Variants in HGD observed in about 807,000 individuals in gnomAD.
The protein encoded by HGD is homogentisate 1,2-dioxygenase.
A neutral mutation model predicts 60.8 loss-of-function variants in HGD; 61 were observed. The observed-to-expected ratio is 1.00, with a 90% CI of 0.82 to 1.24. HGD has a LOEUF of 1.24. HGD is among the 50% of genes most tolerant of loss of function. The pLI is 0.00. For synonymous variants in HGD, 212 were observed against 187.7 expected (o/e 1.13, Z -1.06); for missense variants, 542 against 547.1 (o/e 0.99, Z 0.09).
rs1260056278 is a variant in HGD, at chr3:120,647,921, A to G, written c.435-10T>C. On this transcript the variant is annotated splice_polypyrimidine_tract_variant and intron_variant, in intron 6 of 13. Coordinates refer to ENST00000283871, the MANE Select transcript of HGD (RefSeq NM_000187.4). ...TGAATTGTAAAAGCATCTGAAACAT[A>G]TAGAGTAATTCTTGTGATTTTCAGT... The G allele has an allele frequency of 2.5e-6, 4 of 1,604,676 alleles. No homozygotes were observed. Among genetic ancestry groups the G allele is most frequent in the South Asian group, 2.2e-5 (2 of 90,912 alleles).
At chr3:120,639,631 T>C (rs1325891511) in intron 11 of HGD, among the ~76,000 whole-genome samples, 2 of 152,172 alleles carry the variant, frequency 1.3e-5, no homozygotes, top group Non-Finnish European at 2.9e-5. Context: ...GCAGAAGGGA[T>C]GCTCAGAGCA....
chr3:120,633,099 G>C, intron 13 of HGD, 48 bp downstream of exon 13: 2 of 1,572,576 alleles, frequency 1.3e-6, no homozygotes, highest in Non-Finnish European at 1.7e-6. Flanking sequence ...CTCTCAGTAA[G>C]GGTGGGGAGT....
Position 120,682,169 on chromosome 3 carries a change from C to T in HGD, c.-58G>A. ...AAACCCAGGCCCAGAGGATATAAAGCCACAATGCTTCTTTCTCCTTCAAAC... is the reference window on the plus strand; with the variant it reads ...AAACCCAGGCCCAGAGGATATAAAGTCACAATGCTTCTTTCTCCTTCAAAC... On this transcript the variant is annotated 5_prime_UTR_variant, in exon 1 of 14. Coordinates refer to ENST00000283871, the MANE Select transcript of HGD (RefSeq NM_000187.4). 3 of 1,536,696 alleles carry T rather than the reference C, an allele frequency of 2.0e-6. No homozygotes were observed. Among genetic ancestry groups the T allele is most frequent in the Non-Finnish European group, 2.7e-6 (3 of 1,109,590 alleles).
chr3:120,633,965 C>T (rs951856609), intron 12 of HGD, among the ~76,000 whole-genome samples: 3 of 151,992 alleles, frequency 2.0e-5, no homozygotes, highest in African/African-American at 7.3e-5. Flanking sequence ...ATCTGTTATC[C>T]TCTTGTTTTT....
chr3:120,638,828 T>G (rs964153522), intron 11 of HGD, among the ~76,000 whole-genome samples: 1 of 152,182 alleles, frequency 6.6e-6, no homozygotes, highest in African/African-American at 2.4e-5. Flanking sequence ...AATCTCATCC[T>G]GAATTGTAGC....
chr3:120,675,694 G>T, intron 2 of HGD, 98 bp downstream of exon 2: 1 of 879,976 alleles, frequency 1.1e-6, no homozygotes, highest in Non-Finnish European at 1.9e-6. Context: ...TCACAGGCTA[G>T]ATTGGAAGAG....
At position 120,652,627 on chromosome 3, in the gene HGD, G is replaced by T. The variant is rs559502955; in HGVS notation, c.307C>A (p.Pro103Thr). The T allele has an allele frequency of 1.8e-4, 284 of 1,613,160 alleles. 3 individuals are homozygous for T. In the South Asian group the frequency reaches 2.9e-3, roughly 16 times the overall value. ...TCTACTTTCTTCTGAGATGCTTTTGGAATCTCAAATGGTTTCCATCTAAGC... is the reference window on the plus strand; with the variant it reads ...TCTACTTTCTTCTGAGATGCTTTTGTAATCTCAAATGGTTTCCATCTAAGC... ...NQLRWKPFEI[P>T]KASQKKVDFV... The change falls in exon 5 of 14, where the codon CCA becomes ACA. Residue 103 changes from proline (P) to threonine (T), a missense_variant. Coordinates refer to ENST00000283871, the MANE Select transcript of HGD (RefSeq NM_000187.4).
At chr3:120,678,719 G>A (rs1288006470) in intron 1 of HGD, among the ~76,000 whole-genome samples, 3 of 152,232 alleles carry the variant, frequency 2.0e-5, no homozygotes, top group Non-Finnish European at 4.4e-5. Flanking sequence ...GAAAACTGCT[G>A]AGTCACTATC....
intron 6 of HGD, among the ~76,000 whole-genome samples, chr3:120,648,654 G>A (rs2551618): frequency 6.6e-6 from 1 of 152,170 alleles, no homozygotes; most frequent in Non-Finnish European, 1.5e-5. Context: ...AAGTCGGGTA[G>A]CCTGCTACTA....
chr3:120,656,387 A>G (rs915573894), intron 4 of HGD, among the ~76,000 whole-genome samples: 2 of 152,212 alleles, frequency 1.3e-5, no homozygotes, highest in African/African-American at 4.8e-5. Flanking sequence ...CTTCTTCTCT[A>G]TAGAATTTAC....
At chr3:120,656,279 CTG>C (rs1941492091) in intron 4 of HGD, among the ~76,000 whole-genome samples, 1 of 152,180 alleles carries the variant, frequency 6.6e-6, no homozygotes, top group Non-Finnish European at 1.5e-5. Context: ...ACTACCCAGT[CTG>C]TGGTATTTTG....
At chr3:120,660,314 T>C (rs541639009) in intron 4 of HGD, among the ~76,000 whole-genome samples, 2 of 152,166 alleles carry the variant, frequency 1.3e-5, no homozygotes, top group Non-Finnish European at 1.5e-5. Flanking sequence ...GGGTAATTTG[T>C]GGTGGTGAGT....
chr3:120,655,609 A>G (rs769761654), intron 4 of HGD, among the ~76,000 whole-genome samples: 2 of 152,198 alleles, frequency 1.3e-5, no homozygotes, highest in Non-Finnish European at 2.9e-5. Flanking sequence ...TGATATTTTG[A>G]TAAGTGTGAG....
chr3:120,656,463 G>C (rs1941497556), intron 4 of HGD, among the ~76,000 whole-genome samples: 1 of 152,004 alleles, frequency 6.6e-6, no homozygotes, highest in Non-Finnish European at 1.5e-5. Context: ...GACTATAGTA[G>C]GCATTAATAT....
At chr3:120,671,387 A>G (rs898731359) in intron 3 of HGD, among the ~76,000 whole-genome samples, 1 of 152,070 alleles carries the variant, frequency 6.6e-6, no homozygotes, top group Admixed American at 6.6e-5. Flanking sequence ...AAACAAGTCT[A>G]TTTGTTTATT....
chr3:120,634,185 T>C (rs1940684779), intron 12 of HGD, among the ~76,000 whole-genome samples: 2 of 152,188 alleles, frequency 1.3e-5, no homozygotes, highest in Non-Finnish European at 2.9e-5. Flanking sequence ...ATCATATTAT[T>C]GAAGAGCTCT....
At chr3:120,675,277 C>T (rs1203762046) in intron 2 of HGD, among the ~76,000 whole-genome samples, 1 of 151,950 alleles carries the variant, frequency 6.6e-6, no homozygotes, top group Non-Finnish European at 1.5e-5. Flanking sequence ...TCTTATCCTC[C>T]AAAATTGTGA....
At position 120,628,270 on chromosome 3, in the gene HGD, A is replaced by G; in HGVS notation, c.*110T>C. 1 of 1,253,610 alleles carries G rather than the reference A, an allele frequency of 8.0e-7. No homozygotes were observed. Among genetic ancestry groups the G allele is most frequent in the Non-Finnish European group, 1.2e-6 (1 of 859,380 alleles). The allele number at this position is 1,253,610 out of a possible 1,614,324, so 77.7% of individuals were successfully genotyped here. On this transcript the variant is annotated 3_prime_UTR_variant, in exon 14 of 14. Transcript: ENST00000283871. ...AAGTTCTGAGTTACTTGACTATGAAAAGTGAATTTTCATTTTAACCAACCC... is the reference window on the plus strand; with the variant it reads ...AAGTTCTGAGTTACTTGACTATGAAGAGTGAATTTTCATTTTAACCAACCC...
chr3:120,648,330 C>T (rs1223234394), intron 6 of HGD, among the ~76,000 whole-genome samples: 2 of 152,130 alleles, frequency 1.3e-5, no homozygotes, highest in East Asian at 1.9e-4. Context: ...GGAGGGCACG[C>T]GGCAGCTTGA....
Sources: allele counts gnomAD v4.1 joint callset (sites outside exome capture counted in the v4.1 genomes callset), GRCh38; gene constraint gnomAD v4.1.1; transcripts MANE v1.5; gene names NCBI Gene and HGNC (gene_info 2026-07-23, HGNC 2026-07-21).